Variants in RYR3 observed in about 807,000 individuals in gnomAD.
RYR3 encodes the protein brain ryanodine receptor-calcium release channel.
RYR3 carries 207 observed loss-of-function variants against 584.3 expected under a neutral mutation model. The observed-to-expected ratio is 0.35, with a 90% CI of 0.32 to 0.40. The LOEUF (loss-of-function observed/expected upper bound fraction) is 0.40, where lower values mean the gene tolerates loss of function less well. Ranked by LOEUF, RYR3 falls within the 10% of genes least tolerant of loss-of-function variation. The pLI is 1.00. For synonymous variants in RYR3, 2,416 were observed against 2,248.5 expected, an observed-to-expected ratio of 1.07 and a Z score of -2.11; for missense variants, 5,616 against 6,089.2, an observed-to-expected ratio of 0.92 and a Z score of 2.59.
At chr15:33,414,279 C>G (rs996702355) in intron 1 of RYR3, among the ~76,000 whole-genome samples, 1 of 152,036 alleles carries the variant, frequency 6.6e-6, no homozygotes, top group Non-Finnish European at 1.5e-5. Flanking sequence ...ATAAGGACTT[C>G]GAGCTGAAAT....
At chr15:33,739,515 C>T (rs1395664033) in intron 50 of RYR3, among the ~76,000 whole-genome samples, 1 of 98,276 alleles carries the variant, frequency 1.0e-5, no homozygotes, top group Middle Eastern at 5.3e-3. Context: ...TTTATAGTCA[C>T]CTTCTGGCCT....
intron 48 of RYR3, among the ~76,000 whole-genome samples, chr15:33,735,800 T>C (rs1424047342): frequency 6.6e-6 from 1 of 152,164 alleles, no homozygotes; most frequent in East Asian, 1.9e-4. Context: ...GCGGAGGGCT[T>C]TAAAGTTCTC....
chr15:33,513,948 G>A (rs2053262574), intron 3 of RYR3, among the ~76,000 whole-genome samples: 1 of 152,142 alleles, frequency 6.6e-6, no homozygotes, highest in East Asian at 1.9e-4. Flanking sequence ...GGTTGAAATT[G>A]TACTTGTTCT....
At chr15:33,855,848 T>C (rs531438025) in intron 98 of RYR3, 10 of 152,206 alleles carry the variant, frequency 6.6e-5, no homozygotes, top group Non-Finnish European at 1.5e-4. Flanking sequence ...GCTATAACCA[T>C]ATTAAAATCT....
chr15:33,568,449 T>C (rs1441742873), intron 12 of RYR3, among the ~76,000 whole-genome samples: 1 of 152,200 alleles, frequency 6.6e-6, no homozygotes, highest in Admixed American at 6.5e-5. Context: ...CTTTTAAATG[T>C]ACAGTTCCGT....
chr15:33,846,362 C>T (rs1313692703), intron 93 of RYR3, among the ~76,000 whole-genome samples: 1 of 152,200 alleles, frequency 6.6e-6, no homozygotes, highest in Non-Finnish European at 1.5e-5. Context: ...GGCATGAATT[C>T]CAGGAGGCGT....
chr15:33,788,065 G>T, intron 66 of RYR3, 153 bp from the exon 67 acceptor site: 19 of 921,664 alleles, frequency 2.1e-5, no homozygotes, highest in Non-Finnish European at 3.2e-5. Context: ...CTCTATGAGA[G>T]GGAAGTATCA....
At chr15:33,775,911 A>G (rs2073965954) in intron 64 of RYR3, among the ~76,000 whole-genome samples, 1 of 152,234 alleles carries the variant, frequency 6.6e-6, no homozygotes. Flanking sequence ...CAGGTCTGGA[A>G]AGTATGTTTC....
At chr15:33,526,448 G>A (rs1459491957) in intron 3 of RYR3, among the ~76,000 whole-genome samples, 2 of 152,152 alleles carry the variant, frequency 1.3e-5, no homozygotes, top group Non-Finnish European at 2.9e-5. Flanking sequence ...AATCTTCCCA[G>A]TCTTGAGGTC....
intron 1 of RYR3, among the ~76,000 whole-genome samples, chr15:33,326,468 G>A (rs554657100): frequency 2.0e-4 from 31 of 152,330 alleles, no homozygotes; most frequent in Admixed American, 1.3e-4. Flanking sequence ...ACAAAAATGT[G>A]TTAAATAAAG....
At chr15:33,832,062 G>C (rs2077710849) in intron 86 of RYR3, among the ~76,000 whole-genome samples, 1 of 152,146 alleles carries the variant, frequency 6.6e-6, no homozygotes, top group African/African-American at 2.4e-5. Context: ...GGGAGGCTGA[G>C]GCGGGTGGAT....
Position 33,675,765 on chromosome 15 carries a change from C to T in RYR3, c.5860+5209C>T, listed in dbSNP as rs570584303. 2.0e-5 allele frequency among the ~76,000 whole-genome samples: 3 copies of T among 152,214 alleles called. No homozygotes were observed. The South Asian group carries it at 6.2e-4, about 32-fold the overall frequency. On this transcript the variant is annotated intron_variant, in intron 38 of 103. Transcript: ENST00000634891. ...TTAATTTTAACTATTTTTTGGCTATCGTTTGTTGATTACTTGCCATCTTAG... is the reference window on the plus strand; with the variant it reads ...TTAATTTTAACTATTTTTTGGCTATTGTTTGTTGATTACTTGCCATCTTAG...
At chr15:33,340,039 G>A (rs1429744680) in intron 1 of RYR3, among the ~76,000 whole-genome samples, 1 of 152,202 alleles carries the variant, frequency 6.6e-6, no homozygotes, top group Admixed American at 6.5e-5. Context: ...TGTCCAAAGG[G>A]CGTTTGGCCA....
chr15:33,399,919 T>A (rs180862506), intron 1 of RYR3, among the ~76,000 whole-genome samples: 4 of 152,176 alleles, frequency 2.6e-5, no homozygotes, highest in East Asian at 3.9e-4. Flanking sequence ...GACATAGAAG[T>A]GCACATACCA....
intron 14 of RYR3, among the ~76,000 whole-genome samples, chr15:33,582,301 C>T (rs993315220): frequency 2.0e-5 from 3 of 152,120 alleles, no homozygotes; most frequent in Non-Finnish European, 4.4e-5. Context: ...TAAGCTAGTA[C>T]TTTAGGGCTT....
intron 36 of RYR3, among the ~76,000 whole-genome samples, chr15:33,665,945 C>A (rs1485828577): frequency 1.3e-5 from 2 of 152,292 alleles, no homozygotes; most frequent in South Asian, 4.1e-4. Context: ...ACCAGTGATT[C>A]TTGAGCAAGC....
At chr15:33,627,762 T>C (rs1047856724) in intron 20 of RYR3, among the ~76,000 whole-genome samples, 3 of 152,122 alleles carry the variant, frequency 2.0e-5, no homozygotes, top group African/African-American at 7.2e-5. Context: ...CTGGTTGCAG[T>C]GTAGAGGATA....
At chr15:33,792,351 C>CT (rs1214849406) in intron 67 of RYR3, among the ~76,000 whole-genome samples, 1 of 152,174 alleles carries the variant, frequency 6.6e-6, no homozygotes, top group African/African-American at 2.4e-5. Flanking sequence ...CTCAAGGCCT[C>CT]TCCCCCAACC....
chr15:33,508,853 C>G (rs1173632293), intron 3 of RYR3, among the ~76,000 whole-genome samples: 1 of 152,210 alleles, frequency 6.6e-6, no homozygotes, highest in Non-Finnish European at 1.5e-5. Flanking sequence ...GAATACCACA[C>G]ACAGCATGGT....
Sources: gnomAD v4.1 joint callset for allele counts (sites outside exome capture counted in the v4.1 genomes callset) on GRCh38, gnomAD v4.1.1 for gene constraint, MANE v1.5 for transcripts, NCBI Gene and HGNC (gene_info 2026-07-23, HGNC 2026-07-21) for gene names.